The following MFHAS1 variants were observed in gnomAD, a reference collection of about 807,000 sequenced individuals.
The protein encoded by MFHAS1 is malignant fibrous histiocytoma-amplified sequence 1.
In MFHAS1, 50 loss-of-function variants were observed where a neutral mutation model predicts 70.4. The ratio of observed to expected loss-of-function variants is 0.71; its 90% CI spans 0.57 to 0.90. The LOEUF is 0.90. Among genes scored for constraint, MFHAS1 ranks in the 40% least tolerant of loss-of-function variants. MFHAS1 has a pLI of 0.00. For synonymous variants in MFHAS1, 952 were observed against 620.0 expected (o/e 1.54, Z -7.96); for missense variants, 1,795 against 1,347.6 (o/e 1.33, Z -5.20).
At chr8:8,842,571 C>T (rs1293852662) in intron 1 of MFHAS1, among the ~76,000 whole-genome samples, 3 of 152,126 alleles carry the variant, frequency 2.0e-5, no homozygotes, top group Non-Finnish European at 4.4e-5. Context: ...ACGTGTAAAT[C>T]GCACTAGAAG....
In MFHAS1 at chr8:8,892,236, G is replaced by C; in HGVS notation, c.823C>G (p.Leu275Val). The C allele has an allele frequency of 6.2e-7, 1 of 1,611,476 alleles. No homozygotes were observed. Among genetic ancestry groups the C allele is most frequent in the Non-Finnish European group, 8.5e-7 (1 of 1,180,036 alleles). The change falls in exon 1 of 3, where the codon CTC becomes GTC. Residue 275 changes from leucine (L) to valine (V), a missense_variant. Transcript: ENST00000276282. This position sits in a 1 kb window ranked among gnomAD's most constrained non-coding sequence, Gnocchi z 4.7. ...TTGGAGGAGAGGTTGAGCATTTTGA[G>C]CCGCTGCAGGCAGCTGAACTGGGCG... ...LPAQFSCLQR[L>V]KMLNLSSNLF...
intron 1 of MFHAS1, among the ~76,000 whole-genome samples, chr8:8,877,676 A>G (rs769797613): frequency 6.6e-6 from 1 of 152,190 alleles, no homozygotes; most frequent in African/African-American, 2.4e-5. Context: ...CAGCTTAACA[A>G]TAACTTGATT....
At chr8:8,802,043 A>T (rs911961661) in intron 1 of MFHAS1, among the ~76,000 whole-genome samples, 1 of 152,208 alleles carries the variant, frequency 6.6e-6, no homozygotes, top group Non-Finnish European at 1.5e-5. Context: ...CTGCAAAATA[A>T]GCCTAAGTTA....
chr8:8,879,856 T>C (rs1019335736), intron 1 of MFHAS1, among the ~76,000 whole-genome samples: 1 of 152,212 alleles, frequency 6.6e-6, no homozygotes, highest in African/African-American at 2.4e-5. Context: ...TTATCTAATC[T>C]GGTAATCATC....
chr8:8,890,968 C>G lies in MFHAS1; in HGVS notation c.2091G>C (p.Glu697Asp). The G allele has an allele frequency of 1.2e-6, 2 of 1,613,832 alleles. No homozygotes were observed. The highest frequency in any genetic ancestry group is 1.7e-6 in the Non-Finnish European group (2 of 1,179,952). Reference protein sequence around the residue: ...ARLGLQAGLTEDRLQSALSYL... With the variant: ...ARLGLQAGLTDDRLQSALSYL... ...AGGAGAGGGCACTCTGCAGTCGGTC[C>G]TCGGTCAGACCCGCCTGCAGGCCCA... is the stretch of plus-strand genomic sequence containing the variant. The change falls in exon 1 of 3, where the codon GAG (glutamate) becomes GAC (aspartate). Residue 697 changes from glutamate to aspartate, a missense_variant. By Grantham distance (45) the Glu-to-Asp change is conservative. Transcript: ENST00000276282.
chr8:8,868,310 C>T (rs544671679), intron 1 of MFHAS1, among the ~76,000 whole-genome samples: 4 of 151,104 alleles, frequency 2.6e-5, no homozygotes, highest in Admixed American at 6.6e-5. Flanking sequence ...TTGTATCTTT[C>T]GGCTAATAAT....
chr8:8,847,611 G>C (rs1018929287), intron 1 of MFHAS1, among the ~76,000 whole-genome samples: 6 of 152,312 alleles, frequency 3.9e-5, no homozygotes, highest in East Asian at 1.9e-4. Context: ...GAAATAAAAA[G>C]AGCCCTATGC....
intron 1 of MFHAS1, among the ~76,000 whole-genome samples, chr8:8,819,258 T>C (rs1057369005): frequency 2.0e-5 from 3 of 152,222 alleles, no homozygotes; most frequent in Non-Finnish European, 4.4e-5. Context: ...TGCAAATATA[T>C]ATATTATAAA....
intron 1 of MFHAS1, among the ~76,000 whole-genome samples, chr8:8,838,224 A>C (rs929332447): frequency 6.6e-6 from 1 of 152,194 alleles, no homozygotes. Context: ...AGTGACAAAA[A>C]GCCCATCAGT....
chr8:8,871,968 C>A (rs542394217), intron 1 of MFHAS1, among the ~76,000 whole-genome samples: 1 of 152,282 alleles, frequency 6.6e-6, no homozygotes, highest in African/African-American at 2.4e-5. Flanking sequence ...GTATCAACTC[C>A]CTGAGATGAA....
intron 1 of MFHAS1, among the ~76,000 whole-genome samples, chr8:8,831,653 G>A (rs903456744): frequency 9.4e-5 from 14 of 149,208 alleles, no homozygotes; most frequent in Middle Eastern, 3.5e-3. Context: ...TCACTCGGTC[G>A]CCCAGGCTGG....
chr8:8,812,242 G>T (rs1014261217), intron 1 of MFHAS1, among the ~76,000 whole-genome samples: 7 of 152,150 alleles, frequency 4.6e-5, no homozygotes, highest in African/African-American at 1.7e-4. Context: ...GGAAAGGGCA[G>T]AGATACGAAG....
At chr8:8,828,547 T>A (rs1807249543) in intron 1 of MFHAS1, among the ~76,000 whole-genome samples, 1 of 152,138 alleles carries the variant, frequency 6.6e-6, no homozygotes, top group Admixed American at 6.5e-5. Flanking sequence ...CACCATTACC[T>A]AGAGCCTGCA....
intron 1 of MFHAS1, among the ~76,000 whole-genome samples, chr8:8,838,756 G>C (rs567764933): frequency 6.6e-6 from 1 of 150,638 alleles, no homozygotes; most frequent in South Asian, 2.1e-4. Flanking sequence ...AGGTTGTAGT[G>C]AGTCGAGACT....
At chr8:8,887,405 ATCT>A (rs1809801978) in intron 1 of MFHAS1, among the ~76,000 whole-genome samples, 1 of 151,998 alleles carries the variant, frequency 6.6e-6, no homozygotes, top group South Asian at 2.1e-4. Context: ...TGTTTTTTGC[ATCT>A]TCTTAATGTA....
In MFHAS1 at chr8:8,784,431, G is replaced by C. The variant is rs191988480; in HGVS notation, c.*1591C>G. 6.6e-6 allele frequency: 1 copy of C among 152,064 alleles called. No homozygotes were observed. The allele number at this position is 152,064 out of a possible 1,614,324, so 9.4% of individuals were successfully genotyped here. A position where few individuals can be genotyped will look rare whatever the true frequency, so the allele number is the denominator to read the frequency against. The stretch of plus-strand genomic sequence containing the variant: ...CAAGTATTAAAAAAATGCAAACATC[G>C]TCTGATCCCATTCGATTTTTATCAT... On this transcript the variant is annotated 3_prime_UTR_variant, in exon 3 of 3. Transcript: ENST00000276282.
At chr8:8,816,062 G>C (rs1335387381) in intron 1 of MFHAS1, among the ~76,000 whole-genome samples, 1 of 152,172 alleles carries the variant, frequency 6.6e-6, no homozygotes, top group African/African-American at 2.4e-5. Context: ...CAAAAACAGA[G>C]TGCATAGTGG....
Position 8,838,756 on chromosome 8 carries a change from G to A in MFHAS1, c.2999-41265C>T, listed in dbSNP as rs567764933. On this transcript the variant is annotated intron_variant, in intron 1 of 2. Coordinates refer to ENST00000276282, the MANE Select transcript of MFHAS1 (RefSeq NM_004225.3). ...TGAACTGGGAGGCAGAGGTTGTAGT[G>A]AGTCGAGACTGCACCACTGCACTCC... Among the ~76,000 whole-genome samples the A allele has an allele frequency of 5.3e-5, 8 of 150,752 alleles. No homozygotes were observed. In the South Asian group the frequency reaches 1.7e-3, roughly 32 times the overall value.
intron 1 of MFHAS1, among the ~76,000 whole-genome samples, chr8:8,869,849 G>C (rs1361677240): frequency 6.6e-6 from 1 of 152,160 alleles, no homozygotes; most frequent in Non-Finnish European, 1.5e-5. Flanking sequence ...CCAGGACTCT[G>C]CCTCATTAAC....
Sources: allele counts gnomAD v4.1 joint callset (sites outside exome capture counted in the v4.1 genomes callset), GRCh38; gene constraint gnomAD v4.1.1; non-coding constraint Gnocchi (gnomAD v3.1); transcripts MANE v1.5; gene names NCBI Gene and HGNC (gene_info 2026-07-23, HGNC 2026-07-21).